The following ANK3 variants were observed in gnomAD, a reference collection of about 807,000 sequenced individuals.
ANK3 encodes the protein ankyrin 3.
ANK3 carries 57 observed loss-of-function variants against 370.9 expected under a neutral mutation model. The ratio of observed to expected loss-of-function variants is 0.15; its 90% CI spans 0.12 to 0.19. The LOEUF (loss-of-function observed/expected upper bound fraction) is 0.19, where lower values mean the gene tolerates loss of function less well. ANK3 is among the 10% of genes least tolerant of loss of function. The pLI is 1.00. For missense variants in ANK3, 4,439 were observed against 5,302.1 expected (o/e 0.84, Z 5.06); for synonymous variants, 1,929 against 1,946.3 (o/e 0.99, Z 0.23).
intron 7 of ANK3, among the ~76,000 whole-genome samples, chr10:60,257,697 C>A (rs904960305): frequency 6.6e-6 from 1 of 152,126 alleles, no homozygotes; most frequent in African/African-American, 2.4e-5. Flanking sequence ...TTTACTGGCT[C>A]ATTCCTGCTG....
intron 2 of ANK3, among the ~76,000 whole-genome samples, chr10:60,548,158 C>T (rs1372286054): frequency 6.6e-6 from 1 of 150,748 alleles, no homozygotes; most frequent in African/African-American, 2.4e-5. Context: ...TATCAAAATA[C>T]CTGTCTTATA....
chr10:60,598,589 A>G (rs919993148), intron 2 of ANK3, among the ~76,000 whole-genome samples: 2 of 152,348 alleles, frequency 1.3e-5, no homozygotes, highest in African/African-American at 2.4e-5. Flanking sequence ...CAAAATGTCA[A>G]AATTGTGACT....
chr10:60,159,689 T>C (rs80065836), intron 23 of ANK3, among the ~76,000 whole-genome samples: 2,298 of 151,524 alleles, frequency 0.015, 72 homozygotes, highest in African/African-American at 0.053. Context: ...TCAAAAAATT[T>C]AAAAAAAAAT....
chr10:60,380,273 A>G (rs2061386118), intron 1 of ANK3, among the ~76,000 whole-genome samples: 1 of 152,114 alleles, frequency 6.6e-6, no homozygotes, highest in African/African-American at 2.4e-5. Flanking sequence ...AAAGGATTCT[A>G]TGTGAGATTT....
chr10:60,634,650 G>A (rs917745602), intron 1 of ANK3, among the ~76,000 whole-genome samples: 1 of 152,024 alleles, frequency 6.6e-6, no homozygotes, highest in African/African-American at 2.4e-5. Flanking sequence ...CCCCTTCAAC[G>A]CTGTGGAAGC....
chr10:60,728,841 T>G (rs1435303990), intron 1 of ANK3, among the ~76,000 whole-genome samples: 1 of 152,196 alleles, frequency 6.6e-6, no homozygotes, highest in Non-Finnish European at 1.5e-5. Flanking sequence ...AAGGTCAATT[T>G]CATCATGTAT....
intron 21 of ANK3, among the ~76,000 whole-genome samples, chr10:60,170,791 T>C (rs2095765867): frequency 6.6e-6 from 1 of 152,226 alleles, no homozygotes; most frequent in African/African-American, 2.4e-5. Flanking sequence ...CTTAATTTTG[T>C]TCTTAACTCT....
intron 23 of ANK3, among the ~76,000 whole-genome samples, chr10:60,149,515 C>T (rs908357326): frequency 1.3e-5 from 2 of 152,196 alleles, no homozygotes; most frequent in Admixed American, 1.3e-4. Flanking sequence ...AACAAGCACA[C>T]AATTCCTTGG....
chr10:60,539,662 T>C (rs2076802367), intron 2 of ANK3, among the ~76,000 whole-genome samples: 1 of 151,862 alleles, frequency 6.6e-6, no homozygotes. Flanking sequence ...AGTAGTCAAA[T>C]GTACATATAG....
intron 2 of ANK3, among the ~76,000 whole-genome samples, chr10:60,433,563 C>T (rs946999625): frequency 8.6e-5 from 13 of 151,960 alleles, no homozygotes; most frequent in African/African-American, 3.1e-4. Context: ...ACCGCACGAT[C>T]GTGCCACTGC....
At chr10:60,355,689 C>G (rs1421443592) in intron 1 of ANK3, among the ~76,000 whole-genome samples, 1 of 152,168 alleles carries the variant, frequency 6.6e-6, no homozygotes, top group Non-Finnish European at 1.5e-5. Context: ...TGCAATATTC[C>G]TTTGTTTGTC....
intron 1 of ANK3, among the ~76,000 whole-genome samples, chr10:60,694,504 C>T (rs1390780404): frequency 1.3e-5 from 2 of 152,038 alleles, no homozygotes; most frequent in Non-Finnish European, 2.9e-5. Flanking sequence ...AGAGAAAGGT[C>T]GGGTTACCCT....
chr10:60,551,288 T>C (rs1034470722), intron 2 of ANK3, among the ~76,000 whole-genome samples: 1 of 152,090 alleles, frequency 6.6e-6, no homozygotes. Flanking sequence ...AAGAATCAGA[T>C]TGAAAATAGT....
intron 25 of ANK3, among the ~76,000 whole-genome samples, chr10:60,131,807 GATGGTAAGGTC>G (rs2094087610): frequency 6.6e-6 from 1 of 152,180 alleles, no homozygotes; most frequent in East Asian, 1.9e-4. Flanking sequence ...TGACAGTGAT[GATGGTAAGGTC>G]ATGGTGATGG....
At chr10:60,201,704 ACTT>A (rs1299800936) in intron 12 of ANK3, among the ~76,000 whole-genome samples, 2 of 124,138 alleles carry the variant, frequency 1.6e-5, no homozygotes, top group Non-Finnish European at 3.3e-5. Flanking sequence ...AGTTGAAATC[ACTT>A]CTTTTTTTTT....
intron 2 of ANK3, among the ~76,000 whole-genome samples, chr10:60,605,843 T>C (rs1263851496): frequency 6.6e-6 from 1 of 152,140 alleles, no homozygotes; most frequent in Non-Finnish European, 1.5e-5. Flanking sequence ...TTTTTAAAAA[T>C]CAAATAATTT....
Position 60,075,671 on chromosome 10 carries a change from G to T in ANK3, c.5210C>A (p.Ala1737Asp). ...AATTTTTTCCTGTAACGTGGCAGTG[G>T]CTTTGCATCCATTAATTAAAGTTGA... ...SSSTLINGCK[A>D]TATLQEKISS... The change falls in exon 37 of 44, where the codon GCC becomes GAC. Residue 1737 changes from alanine (A) to aspartate (D), a missense_variant. By Grantham distance (126) the Ala-to-Asp change is moderately radical. This residue lies in a region of ANK3 where 679 missense variants were observed against 791.0 expected (regional missense o/e 0.86). Transcript: ENST00000280772. The T allele has an allele frequency of 6.2e-7, 1 of 1,614,116 alleles. No individual in the cohort carries two copies. Among genetic ancestry groups the T allele is most frequent in the South Asian group, 1.1e-5 (1 of 91,086 alleles).
intron 1 of ANK3, among the ~76,000 whole-genome samples, chr10:60,344,173 A>T (rs1211749345): frequency 6.6e-6 from 1 of 152,260 alleles, no homozygotes; most frequent in Non-Finnish European, 1.5e-5. Flanking sequence ...ACAAATGAAA[A>T]GAGAACACTG....
At chr10:60,285,814 G>A (rs1354437138) in intron 1 of ANK3, among the ~76,000 whole-genome samples, 2 of 152,050 alleles carry the variant, frequency 1.3e-5, no homozygotes, top group Non-Finnish European at 2.9e-5. Flanking sequence ...GCAACCAGAC[G>A]CTAACAACAG....
Sources: allele counts gnomAD v4.1 joint callset (sites outside exome capture counted in the v4.1 genomes callset), GRCh38; gene constraint gnomAD v4.1.1; regional missense constraint gnomAD v4.1.1; transcripts MANE v1.5; gene names NCBI Gene and HGNC (gene_info 2026-07-23, HGNC 2026-07-21).